Variants in EDC3 observed in about 807,000 individuals in gnomAD.
EDC3 encodes enhancer of mRNA decapping 3.
EDC3 carries 20 observed loss-of-function variants against 41.8 expected under a neutral mutation model. The observed-to-expected ratio is 0.48, with a 90% CI of 0.34 to 0.70. EDC3 has a LOEUF of 0.70. Among genes scored for constraint, EDC3 ranks in the 30% least tolerant of loss-of-function variants. The pLI is 0.01. For missense variants in EDC3, 444 were observed against 636.8 expected, an observed-to-expected ratio of 0.70 and a Z score of 3.26; for synonymous variants, 206 against 243.2, an observed-to-expected ratio of 0.85 and a Z score of 1.42.
intron 2 of EDC3, among the ~76,000 whole-genome samples, chr15:74,672,851 T>C (rs1342379030): frequency 6.6e-6 from 1 of 152,058 alleles, no homozygotes; most frequent in Non-Finnish European, 1.5e-5. Flanking sequence ...TGTTAAATGT[T>C]ATGACAGAGG....
intron 1 of EDC3, among the ~76,000 whole-genome samples, chr15:74,691,772 C>A (rs117879312): frequency 0.015 from 2,339 of 152,250 alleles, 38 homozygotes; most frequent in Non-Finnish European, 0.023. Flanking sequence ...TTTATTGGAA[C>A]ACAACTACAC....
chr15:74,673,550 T>C lies in EDC3; in HGVS notation c.164+1411A>G, dbSNP rs551089955. Among the ~76,000 whole-genome samples the C allele has an allele frequency of 6.9e-3, 3 of 436 alleles. No homozygotes were observed. The East Asian group carries it at 0.17, about 24-fold the overall frequency. The allele number at this position is 436 out of a possible 152,430, so 0.3% of individuals were successfully genotyped here. On this transcript the variant is annotated intron_variant, in intron 2 of 6. Transcript: ENST00000315127. ...ATGGGACTAAATTAAAGATTTGAGG[T>C]CTTGGCTGGGGCATGGTGGCTCACA...
chr15:74,680,105 AC>A, intron 1 of EDC3, among the ~76,000 whole-genome samples: 1 of 151,782 alleles, frequency 6.6e-6, no homozygotes, highest in Non-Finnish European at 1.5e-5. Flanking sequence ...TACTAAAAAT[AC>A]AAAAAATTAG....
chr15:74,635,301 C>G, intron 6 of EDC3, 108 bp downstream of exon 6: 1 of 1,019,538 alleles, frequency 9.8e-7, no homozygotes. Flanking sequence ...AAGCACCATC[C>G]TTACACACGT....
At chr15:74,663,583 T>C (rs2062645499) in intron 3 of EDC3, among the ~76,000 whole-genome samples, 2 of 151,916 alleles carry the variant, frequency 1.3e-5, no homozygotes, top group South Asian at 2.1e-4. Flanking sequence ...AAAATCCTTT[T>C]TAAAAAATCC....
intron 2 of EDC3, among the ~76,000 whole-genome samples, chr15:74,674,077 T>C (rs1486882282): frequency 1.3e-5 from 2 of 152,162 alleles, no homozygotes; most frequent in Non-Finnish European, 1.5e-5. Context: ...AGGACAGTAC[T>C]GTACTTTAAA....
chr15:74,635,445 T>C lies in EDC3; in HGVS notation c.1156A>G (p.Ser386Gly). ...GACACTTGTTGGCCTTGGGTCTTGC[T>C]GAAGAGCGACAGCTCATTGGTGATA... ...ESITNELSLFSKTQGQQVSSL... is the reference protein window; with the variant it reads ...ESITNELSLFGKTQGQQVSSL... The change falls in exon 6 of 7, where the codon AGC (serine) becomes GGC (glycine). Residue 386 changes from serine (S) to glycine (G), a missense_variant. Physicochemically the swap from Ser to Gly is moderately conservative, Grantham distance 56. Around this residue, in one of 3 missense-constraint regions of EDC3, gnomAD observed 242 missense variants for 363.8 expected, o/e 0.67. Coordinates refer to ENST00000315127, the MANE Select transcript of EDC3 (RefSeq NM_025083.5). The C allele has an allele frequency of 1.9e-6, 3 of 1,614,264 alleles. No individual in the cohort carries two copies. Among genetic ancestry groups the C allele is most frequent in the Non-Finnish European group, 2.5e-6 (3 of 1,180,050 alleles).
intron 1 of EDC3, among the ~76,000 whole-genome samples, chr15:74,689,797 T>G (rs1198194383): frequency 1.3e-5 from 2 of 152,246 alleles, no homozygotes; most frequent in African/African-American, 4.8e-5. Context: ...GTGCTGGGAT[T>G]ACAGGCGTGA....
At chr15:74,656,541 A>G (rs1040449693) in intron 3 of EDC3, among the ~76,000 whole-genome samples, 15 of 152,228 alleles carry the variant, frequency 9.9e-5, no homozygotes, top group Non-Finnish European at 1.5e-5. Context: ...GGAAACTGGT[A>G]ATGACAAAAG....
At chr15:74,663,628 C>T (rs1596318457) in intron 3 of EDC3, among the ~76,000 whole-genome samples, 1 of 148,388 alleles carries the variant, frequency 6.7e-6, no homozygotes, top group African/African-American at 2.5e-5. Flanking sequence ...AAGCGTTTTG[C>T]GTTAAGAGAT....
intron 1 of EDC3, among the ~76,000 whole-genome samples, chr15:74,690,845 A>T (rs542969664): frequency 6.6e-6 from 1 of 152,018 alleles, no homozygotes; most frequent in African/African-American, 2.4e-5. Context: ...TACTAAACCC[A>T]TATCTTCCAT....
chr15:74,685,308 C>CAGGA (rs1200057431), intron 1 of EDC3, among the ~76,000 whole-genome samples: 1 of 152,104 alleles, frequency 6.6e-6, no homozygotes, highest in Non-Finnish European at 1.5e-5. Flanking sequence ...AATGCTGAGA[C>CAGGA]AGGAGGACCA....
At chr15:74,683,346 C>T (rs1347075764) in intron 1 of EDC3, among the ~76,000 whole-genome samples, 1 of 152,134 alleles carries the variant, frequency 6.6e-6, no homozygotes, top group African/African-American at 2.4e-5. Flanking sequence ...ACCAGCCTGG[C>T]CAACATGGCG....
intron 6 of EDC3, among the ~76,000 whole-genome samples, chr15:74,633,223 G>A (rs577329268): frequency 2.0e-5 from 3 of 152,336 alleles, no homozygotes; most frequent in Non-Finnish European, 2.9e-5. Flanking sequence ...AGTGTGCAGA[G>A]CTTCTCAGGG....
rs10582490 is a variant in EDC3, at chr15:74,660,414, A to AAT, written c.485-4348_485-4347dup. Among the ~76,000 whole-genome samples the AAT allele has an allele frequency of 1.3e-3, 191 of 144,944 alleles. 1 individual carries two copies. The highest frequency in any genetic ancestry group is 4.5e-3 in the African/African-American group (178 of 39,408). On this transcript the variant is annotated intron_variant, in intron 3 of 6. Coordinates refer to ENST00000315127, the MANE Select transcript of EDC3 (RefSeq NM_025083.5). The stretch of plus-strand genomic sequence containing the variant: ...GACAGAGTGAGACTCCGTCTCCAAA[A>AAT]ATATATATATATATATATATGTGTG...
chr15:74,686,018 C>T (rs1486292772), intron 1 of EDC3, among the ~76,000 whole-genome samples: 1 of 152,108 alleles, frequency 6.6e-6, no homozygotes, highest in Non-Finnish European at 1.5e-5. Context: ...CATGATGAAA[C>T]CCCATATCTA....
chr15:74,644,045 C>T (rs2062384929), intron 4 of EDC3: 3 of 152,170 alleles, frequency 2.0e-5, no homozygotes, highest in African/African-American at 7.2e-5. Flanking sequence ...GAGATCTACA[C>T]TAAAGCTACC....
intron 1 of EDC3, among the ~76,000 whole-genome samples, chr15:74,676,093 AATAG>A (rs1236277918): frequency 6.6e-6 from 1 of 152,192 alleles, no homozygotes; most frequent in East Asian, 1.9e-4. Flanking sequence ...AATTGATAAA[AATAG>A]ATATTTAGAA....
At chr15:74,687,354 C>T (rs967143646) in intron 1 of EDC3, among the ~76,000 whole-genome samples, 1 of 152,224 alleles carries the variant, frequency 6.6e-6, no homozygotes, top group Middle Eastern at 3.4e-3. Context: ...AATTAGCAGG[C>T]TCATACAGGC....
Sources: gnomAD v4.1 joint callset for allele counts (sites outside exome capture counted in the v4.1 genomes callset) on GRCh38, gnomAD v4.1.1 for gene constraint, gnomAD v4.1.1 regional missense constraint, MANE v1.5 for transcripts, NCBI Gene and HGNC (gene_info 2026-07-23, HGNC 2026-07-21) for gene names.